UQCC1: variants seen among roughly 807,000 people sequenced by gnomAD.
UQCC1 encodes the protein bFGF-repressed Zic-binding protein.
A neutral mutation model predicts 48.0 loss-of-function variants in UQCC1; 38 were observed. That is an observed-to-expected ratio of 0.79 (90% confidence interval 0.61 to 1.04). UQCC1 has a LOEUF of 1.04. Among genes scored for constraint, UQCC1 ranks in the 50% least tolerant of loss-of-function variants. UQCC1 has a pLI of 0.00. For synonymous variants in UQCC1, 111 were observed against 129.2 expected (o/e 0.86, Z 0.95); for missense variants, 368 against 381.8 (o/e 0.96, Z 0.30).
At chr20:35,410,577 T>C (rs1269481004) in intron 1 of UQCC1, among the ~76,000 whole-genome samples, 1 of 147,182 alleles carries the variant, frequency 6.8e-6, no homozygotes, top group Non-Finnish European at 1.5e-5. Context: ...GTGTGGTGCA[T>C]GCCTGTCATC....
intron 6 of UQCC1, among the ~76,000 whole-genome samples, chr20:35,360,274 C>G (rs894654328): frequency 1.3e-5 from 2 of 152,114 alleles, no homozygotes; most frequent in African/African-American, 4.8e-5. Flanking sequence ...TGCTGGAATC[C>G]AGCAGAAGCC....
intron 6 of UQCC1, among the ~76,000 whole-genome samples, chr20:35,360,410 T>C (rs2061593107): frequency 6.6e-6 from 1 of 152,178 alleles, no homozygotes; most frequent in African/African-American, 2.4e-5. Context: ...TTTCTAACCC[T>C]TTCCCATCCC....
At chr20:35,337,824 C>T (rs1046771238) in intron 7 of UQCC1, among the ~76,000 whole-genome samples, 3 of 152,144 alleles carry the variant, frequency 2.0e-5, no homozygotes, top group African/African-American at 7.2e-5. Context: ...CCTTATCTAA[C>T]ATGTTGGCCC....
At chr20:35,363,028 T>TAAAAAAAAAAAAAAAAAA (rs60988214) in intron 6 of UQCC1, among the ~76,000 whole-genome samples, 3 of 80,682 alleles carry the variant, frequency 3.7e-5, no homozygotes, top group African/African-American at 8.8e-5. Context: ...TCCTTAAAAC[T>TAAAAAAAAAAAAAAAAAA]AAAAAAAAAA....
At chr20:35,312,441 C>T (rs1375383453) in intron 8 of UQCC1, among the ~76,000 whole-genome samples, 2 of 152,132 alleles carry the variant, frequency 1.3e-5, no homozygotes, top group Non-Finnish European at 2.9e-5. Context: ...ACATGCCAAG[C>T]ACTATGCCAG....
chr20:35,406,801 T>C (rs932551530), intron 1 of UQCC1, among the ~76,000 whole-genome samples: 5 of 152,192 alleles, frequency 3.3e-5, no homozygotes, highest in Admixed American at 1.3e-4. Context: ...AGACATATAA[T>C]GCATAAAGAT....
intron 8 of UQCC1, among the ~76,000 whole-genome samples, chr20:35,311,907 G>C (rs1281725481): frequency 6.6e-6 from 1 of 152,154 alleles, no homozygotes; most frequent in African/African-American, 2.4e-5. Context: ...CACTCCTACT[G>C]AATTGTAATC....
At chr20:35,347,531 T>C (rs539561298) in intron 6 of UQCC1, among the ~76,000 whole-genome samples, 2 of 152,274 alleles carry the variant, frequency 1.3e-5, no homozygotes, top group South Asian at 4.2e-4. Context: ...AGATACAGAT[T>C]ATTTAGGGCA....
At chr20:35,371,027 T>A (rs1333870632) in intron 5 of UQCC1, among the ~76,000 whole-genome samples, 1 of 152,220 alleles carries the variant, frequency 6.6e-6, no homozygotes, top group Non-Finnish European at 1.5e-5. Context: ...CAATATTTTG[T>A]AACTCCTAAA....
chr20:35,339,182 C>T (rs1168718298), intron 7 of UQCC1, among the ~76,000 whole-genome samples: 5 of 151,900 alleles, frequency 3.3e-5, no homozygotes, highest in Non-Finnish European at 4.4e-5. Context: ...GAATACAGGG[C>T]TAGCCAGATG....
intron 8 of UQCC1, among the ~76,000 whole-genome samples, chr20:35,312,611 G>A (rs2061006731): frequency 6.6e-6 from 1 of 152,178 alleles, no homozygotes; most frequent in South Asian, 2.1e-4. Context: ...CCCAGGAGGG[G>A]TCATGCTTGC....
chr20:35,324,483 C>T (rs1398887625), intron 7 of UQCC1, among the ~76,000 whole-genome samples: 10 of 152,314 alleles, frequency 6.6e-5, no homozygotes, highest in East Asian at 1.9e-4. Context: ...CCCACCACCA[C>T]GCCCAGCTAA....
intron 7 of UQCC1, among the ~76,000 whole-genome samples, chr20:35,343,391 T>C (rs1470647717): frequency 6.6e-6 from 1 of 152,198 alleles, no homozygotes; most frequent in Admixed American, 6.5e-5. Flanking sequence ...CTACACTGCC[T>C]ATTACTTCTC....
chr20:35,349,973 A>G (rs2061472528), intron 6 of UQCC1, among the ~76,000 whole-genome samples: 1 of 150,444 alleles, frequency 6.6e-6, no homozygotes, highest in Non-Finnish European at 1.5e-5. Flanking sequence ...AGTCTGGGTA[A>G]TGGAGTGAGA....
At chr20:35,338,934 C>A (rs2061348677) in intron 7 of UQCC1, among the ~76,000 whole-genome samples, 1 of 110,200 alleles carries the variant, frequency 9.1e-6, no homozygotes, top group Non-Finnish European at 1.7e-5. Context: ...AATGCATATA[C>A]CTGAGCCTCT....
In UQCC1 at chr20:35,406,464, A is replaced by T. The variant is rs1465252442; in HGVS notation, c.24+5476T>A. 7.2e-5 allele frequency among the ~76,000 whole-genome samples: 11 copies of T among 152,356 alleles called. No individual in the cohort carries two copies. The East Asian group carries it at 1.9e-3, about 27-fold the overall frequency. On this transcript the variant is annotated intron_variant, in intron 1 of 9. Transcript: ENST00000374385. ...TGGGATAAAATAGTCAAAACAAGGA[A>T]AGACAAAGATTTTCAAACAAGAATT...
chr20:35,386,252 C>T, intron 2 of UQCC1: 1 of 388,122 alleles, frequency 2.6e-6, no homozygotes, highest in Non-Finnish European at 5.0e-6. Context: ...ATCTAGTTTC[C>T]AAACTCTCAC....
intron 1 of UQCC1, among the ~76,000 whole-genome samples, chr20:35,410,704 C>CAAAAAAAAAAAAAAAA (rs1183843739): frequency 1.1e-3 from 3 of 2,708 alleles, no homozygotes; most frequent in Admixed American, 6.5e-3. Context: ...GACTCTGCCT[C>CAAAAAAAAAAAAAAAA]AAAAAAAAAA....
At position 35,346,920 on chromosome 20, in the gene UQCC1, TC is replaced by T. The variant is rs1369148876; in HGVS notation, c.573+243del. On this transcript the variant is annotated intron_variant, in intron 7 of 9. Transcript: ENST00000374385. The stretch of plus-strand genomic sequence containing the variant: ...TATCACCACGATTTGGGCTTTACAA[TC>T]CCATCTCCATACAGGATGACTTCAC... 5 of 1,402,286 alleles carry T rather than the reference TC, an allele frequency of 3.6e-6. No homozygotes were observed. In the African/African-American group the frequency reaches 7.2e-5, roughly 20 times the overall value. The allele number at this position is 1,402,286 out of a possible 1,614,324, so 86.9% of individuals were successfully genotyped here.
Sources: gnomAD v4.1 joint callset for allele counts (sites outside exome capture counted in the v4.1 genomes callset) on GRCh38, gnomAD v4.1.1 for gene constraint, MANE v1.5 for transcripts, NCBI Gene and HGNC (gene_info 2026-07-23, HGNC 2026-07-21) for gene names.